Variants in NLRP2 observed in about 807,000 individuals in gnomAD.
The protein encoded by NLRP2 is NACHT, LRR and PYD domains-containing protein 2.
NLRP2 carries 107 observed loss-of-function variants against 97.2 expected under a neutral mutation model. The observed-to-expected ratio is 1.10, with a 90% CI of 0.94 to 1.29. NLRP2 has a LOEUF of 1.29. Among genes scored for constraint, NLRP2 ranks in the 50% most tolerant of loss-of-function variants. The pLI is 0.00. For missense variants in NLRP2, 1,495 were observed against 1,330.3 expected (o/e 1.12, Z -1.93); for synonymous variants, 663 against 551.5 (o/e 1.20, Z -2.83).
rs986416135 is a variant in NLRP2, at chr19:55,000,801, T to A, written c.3092T>A (p.Leu1031Gln). The change falls in exon 13 of 13, where the codon CTG (leucine) becomes CAG (glutamine). Residue 1031 changes from leucine to glutamine, a missense_variant. Physicochemically the swap from Leu to Gln is moderately radical, Grantham distance 113 (BLOSUM62 -2). Coordinates refer to ENST00000448584, the MANE Select transcript of NLRP2 (RefSeq NM_017852.5). ...TTTAATGATGAACTCAATAAGCTGC[T>A]GGAAGAAATAGAAGAAAAAAACCCA... ...DDFNDELNKLLEEIEEKNPQL... is the reference protein window; with the variant it reads ...DDFNDELNKLQEEIEEKNPQL... 4.0e-5 allele frequency: 65 copies of A among 1,613,744 alleles called. No homozygotes were observed. The highest frequency in any genetic ancestry group is 5.3e-5 in the Non-Finnish European group (63 of 1,179,750).
At chr19:54,967,679 T>C (rs1190523127) in intron 1 of NLRP2, among the ~76,000 whole-genome samples, 2 of 152,094 alleles carry the variant, frequency 1.3e-5, no homozygotes, top group East Asian at 3.9e-4. Flanking sequence ...TCAGATGCTG[T>C]GGTTGCTGTG....
At chr19:54,979,644 C>T (rs1195199071) in intron 4 of NLRP2, among the ~76,000 whole-genome samples, 2 of 152,108 alleles carry the variant, frequency 1.3e-5, no homozygotes, top group African/African-American at 2.4e-5. Context: ...AGCCACCGTA[C>T]CTAGCCCACA....
At chr19:54,973,048 G>A (rs964668623) in intron 2 of NLRP2, among the ~76,000 whole-genome samples, 2 of 151,836 alleles carry the variant, frequency 1.3e-5, no homozygotes, top group East Asian at 3.9e-4. Flanking sequence ...AAAATCAGCC[G>A]GGCGTGGTGG....
intron 4 of NLRP2, among the ~76,000 whole-genome samples, chr19:54,980,776 C>T (rs937825795): frequency 6.6e-6 from 1 of 152,138 alleles, no homozygotes; most frequent in South Asian, 2.1e-4. Flanking sequence ...GTGATCTGGC[C>T]AGGAAGGCCA....
At chr19:54,981,511 C>CCCA in intron 4 of NLRP2, 106 bp from the exon 5 acceptor site, 5 of 265,228 alleles carry the variant, frequency 1.9e-5, no homozygotes, top group Admixed American at 3.6e-5. Flanking sequence ...GATCCCGTGC[C>CCCA]CCCCCTCCCC....
chr19:54,989,107 G>A (rs1481654242), intron 8 of NLRP2, among the ~76,000 whole-genome samples: 1 of 151,812 alleles, frequency 6.6e-6, no homozygotes, highest in East Asian at 2.0e-4. Context: ...ACAGGCACGT[G>A]TCGCCACGCC....
At chr19:54,968,949 C>T (rs904108446) in intron 1 of NLRP2, among the ~76,000 whole-genome samples, 43 of 152,052 alleles carry the variant, frequency 2.8e-4, no homozygotes, top group African/African-American at 1.0e-3. Flanking sequence ...GATCCGCCCG[C>T]CTCGGCCTCC....
In NLRP2 at chr19:54,986,285, G is replaced by A. The variant is rs769150580; in HGVS notation, c.2336G>A (p.Arg779Lys). The change falls in exon 8 of 13, where the codon AGA becomes AAA. Residue 779 changes from arginine to lysine, a missense_variant. Physicochemically the swap from Arg to Lys is conservative, Grantham distance 26. Transcript: ENST00000448584. ...TTTCCCGCATTGTGTGAGGTCTTGA[G>A]ACATCCAGAATGTAACCTGCGATAT... ...DMFPALCEVL[R>K]HPECNLRYLG... The A allele has an allele frequency of 2.5e-6, 4 of 1,614,046 alleles. No homozygotes were observed. In the Admixed American group the frequency reaches 6.7e-5, roughly 27 times the overall value.
In NLRP2 at chr19:54,974,515, C is replaced by T; in HGVS notation, c.296C>T (p.Ser99Phe). The T allele has an allele frequency of 6.2e-7, 1 of 1,611,526 alleles. No homozygotes were observed. Among genetic ancestry groups the T allele is most frequent in the Non-Finnish European group, 8.5e-7 (1 of 1,177,714 alleles). Residue 99 changes from serine (S) to phenylalanine (F), a missense_variant, in exon 3 of 13, where the codon TCC becomes TTC. Transcript: ENST00000448584. ...CCTTTTTCAGAAGCAGCTTTGAAAT[C>T]CTTTAATAAAAGGAAGCCTCTATCA... ...KDEVREAALK[S>F]FNKRKPLSLG...
chr19:54,984,960 G>T, intron 6 of NLRP2, 87 bp from the exon 7 acceptor site: 2 of 1,270,264 alleles, frequency 1.6e-6, no homozygotes. Context: ...GTACTCATTT[G>T]TCAGGGGTAT....
Sources: gnomAD v4.1 joint callset for allele counts (sites outside exome capture counted in the v4.1 genomes callset) on GRCh38, gnomAD v4.1.1 for gene constraint, MANE v1.5 for transcripts, NCBI Gene and HGNC (gene_info 2026-07-23, HGNC 2026-07-21) for gene names.